Variants in KPNA6 observed in about 807,000 individuals in gnomAD.
KPNA6 encodes the protein importin subunit alpha-7.
Under a neutral mutation model 72.0 loss-of-function variants are expected in KPNA6, and 9 were observed. The ratio of observed to expected loss-of-function variants is 0.13; its 90% CI spans 0.08 to 0.22. The LOEUF (loss-of-function observed/expected upper bound fraction) is 0.22. KPNA6 is among the 10% of genes least tolerant of loss of function. KPNA6 has a pLI of 1.00. For synonymous variants in KPNA6, 219 were observed against 242.1 expected, an observed-to-expected ratio of 0.90 and a Z score of 0.89; for missense variants, 374 against 655.7, an observed-to-expected ratio of 0.57 and a Z score of 4.69.
intron 12 of KPNA6, 70 bp downstream of exon 12, chr1:32,167,366 T>G: frequency 6.3e-7 from 1 of 1,590,802 alleles, no homozygotes. Context: ...GGTTTACAGG[T>G]GACCTATAAA....
chr1:32,163,638 G>A (rs1642281961), intron 10 of KPNA6, among the ~76,000 whole-genome samples: 1 of 152,172 alleles, frequency 6.6e-6, no homozygotes, highest in Non-Finnish European at 1.5e-5. Context: ...TTGAGATACT[G>A]AAAGCTATGG....
intron 1 of KPNA6, among the ~76,000 whole-genome samples, chr1:32,124,634 G>A (rs868396552): frequency 1.3e-5 from 2 of 151,328 alleles, no homozygotes; most frequent in South Asian, 4.2e-4. Flanking sequence ...AACCTCCTGA[G>A]TAGCTGGGAT....
chr1:32,133,690 A>T (rs1036641965), intron 1 of KPNA6, among the ~76,000 whole-genome samples: 5 of 152,096 alleles, frequency 3.3e-5, no homozygotes, highest in African/African-American at 1.2e-4. Context: ...TCTCAAAAAC[A>T]AAACAAAACA....
At chr1:32,117,216 A>C (rs1641342350) in intron 1 of KPNA6, among the ~76,000 whole-genome samples, 1 of 149,932 alleles carries the variant, frequency 6.7e-6, no homozygotes, top group African/African-American at 2.5e-5. Flanking sequence ...TCTGTCACCC[A>C]GGCTGGAGTG....
At chr1:32,166,888 A>C (rs750834190) in intron 11 of KPNA6, among the ~76,000 whole-genome samples, 1 of 152,042 alleles carries the variant, frequency 6.6e-6, no homozygotes, top group Non-Finnish European at 1.5e-5. Context: ...CAGTGAGCCG[A>C]GATCGCGCCA....
chr1:32,128,390 TATATATA>T (rs1641573493), intron 1 of KPNA6, among the ~76,000 whole-genome samples: 10 of 36,834 alleles, frequency 2.7e-4, no homozygotes, highest in African/African-American at 9.6e-4. Flanking sequence ...TATGTATTTA[TATATATA>T]TATATATATA....
intron 1 of KPNA6, among the ~76,000 whole-genome samples, chr1:32,127,833 C>A (rs1463432842): frequency 6.6e-6 from 1 of 152,228 alleles, no homozygotes; most frequent in Non-Finnish European, 1.5e-5. Context: ...ACTCTCTGAA[C>A]TCATTGTACA....
At position 32,170,805 on chromosome 1, in the gene KPNA6, G is replaced by A; in HGVS notation, c.1522G>A (p.Asp508Asn). The A allele has an allele frequency of 6.2e-7, 1 of 1,614,204 alleles. No individual in the cohort carries two copies. Among genetic ancestry groups the A allele is most frequent in the East Asian group, 2.2e-5 (1 of 44,886 alleles). Residue 508 changes from aspartate (D) to asparagine (N), a missense_variant, in exon 14 of 14, where the codon GAT (aspartate) becomes AAT (asparagine). This residue lies in a region of KPNA6 where 42 missense variants were observed against 49.8 expected (regional missense o/e 0.84). Coordinates refer to ENST00000373625, the MANE Select transcript of KPNA6 (RefSeq NM_012316.5). ...GCACTACTTTGGTGTAGAAGACGATGATAGCAGCCTGGCTCCCCAAGTCGA... is the reference window on the plus strand; with the variant it reads ...GCACTACTTTGGTGTAGAAGACGATAATAGCAGCCTGGCTCCCCAAGTCGA... ...IEHYFGVEDD[D>N]SSLAPQVDET...
At chr1:32,146,798 T>C (rs1013414370) in intron 1 of KPNA6, among the ~76,000 whole-genome samples, 1 of 152,198 alleles carries the variant, frequency 6.6e-6, no homozygotes, top group Non-Finnish European at 1.5e-5. Context: ...TCTTTATTTC[T>C]TCATATGGCA....
chr1:32,108,102 G>C lies in KPNA6; in HGVS notation c.-29G>C, dbSNP rs754422260. The stretch of plus-strand genomic sequence containing the variant: ...CGCTGAAGCTGCCGCCGTTGCCTCC[G>C]CCGCCAAGAGTGAGCGAGCGGACCC... On this transcript the variant is annotated 5_prime_UTR_variant, in exon 1 of 14. Transcript: ENST00000373625. 1 of 1,613,816 alleles carries C rather than the reference G, an allele frequency of 6.2e-7. No individual in the cohort carries two copies.
intron 1 of KPNA6, among the ~76,000 whole-genome samples, chr1:32,135,024 G>A (rs1257334787): frequency 6.6e-6 from 1 of 151,292 alleles, no homozygotes; most frequent in Non-Finnish European, 1.5e-5. Context: ...TCCTGCCTCA[G>A]CCTCCTGAGT....
intron 1 of KPNA6, among the ~76,000 whole-genome samples, chr1:32,121,092 G>A (rs76671898): frequency 6.6e-6 from 1 of 152,136 alleles, no homozygotes; most frequent in Non-Finnish European, 1.5e-5. Flanking sequence ...GTCCAGGCTG[G>A]TCTGGAATTC....
At chr1:32,128,918 C>T (rs1641588203) in intron 1 of KPNA6, among the ~76,000 whole-genome samples, 1 of 152,132 alleles carries the variant, frequency 6.6e-6, no homozygotes, top group African/African-American at 2.4e-5. Context: ...TTCACTGTGA[C>T]TCTGAGATAG....
chr1:32,122,721 C>A (rs1213404311), intron 1 of KPNA6, among the ~76,000 whole-genome samples: 2 of 151,810 alleles, frequency 1.3e-5, no homozygotes, highest in Non-Finnish European at 2.9e-5. Context: ...TTTGGGAGGC[C>A]GAGGCAGGCA....
At chr1:32,166,032 ACAAC>A (rs1257279759) in intron 10 of KPNA6, 69 bp from the exon 11 acceptor site, 34 of 1,460,580 alleles carry the variant, frequency 2.3e-5, no homozygotes, top group South Asian at 1.4e-4. Flanking sequence ...AACAACAACA[ACAAC>A]AAAAAAACAT....
Position 32,122,098 on chromosome 1 carries a change from AC to A in KPNA6, c.4+13968del, listed in dbSNP as rs200928152. On this transcript the variant is annotated intron_variant, in intron 1 of 13. Transcript: ENST00000373625. ...AGAGCAGCCTGGCCAACATGGTGAAACCCCGTCTGTACTAAAAATACAAAAA... is the reference window on the plus strand; with the variant it reads ...AGAGCAGCCTGGCCAACATGGTGAAACCCGTCTGTACTAAAAATACAAAAA... Among the ~76,000 whole-genome samples, 1,043 of 151,878 alleles carry A rather than the reference AC, an allele frequency of 6.9e-3. 10 individuals are homozygous for A. The highest frequency in any genetic ancestry group is 0.023 in the African/African-American group (946 of 41,390).
intron 1 of KPNA6, among the ~76,000 whole-genome samples, chr1:32,115,333 T>G (rs1190607028): frequency 6.6e-6 from 1 of 151,986 alleles, no homozygotes; most frequent in Non-Finnish European, 1.5e-5. Context: ...AGAGATGGGA[T>G]TTCACCATGT....
chr1:32,165,212 TTTC>T (rs752086233), intron 10 of KPNA6, among the ~76,000 whole-genome samples: 3 of 152,096 alleles, frequency 2.0e-5, no homozygotes, highest in Admixed American at 6.5e-5. Flanking sequence ...CCAGACCAAC[TTTC>T]TTTTCTTTTT....
chr1:32,140,636 G>C (rs914711432), intron 1 of KPNA6, among the ~76,000 whole-genome samples: 1 of 151,936 alleles, frequency 6.6e-6, no homozygotes, highest in Non-Finnish European at 1.5e-5. Context: ...AAAATAGTTC[G>C]GCTATTCTTG....
Sources: gnomAD v4.1 joint callset for allele counts (sites outside exome capture counted in the v4.1 genomes callset) on GRCh38, gnomAD v4.1.1 for gene constraint, gnomAD v4.1.1 regional missense constraint, MANE v1.5 for transcripts, NCBI Gene and HGNC (gene_info 2026-07-23, HGNC 2026-07-21) for gene names.